The following AGBL4 variants were observed in gnomAD, a reference collection of about 807,000 sequenced individuals.
AGBL4 encodes the protein cytosolic carboxypeptidase 6.
Under a neutral mutation model 66.4 loss-of-function variants are expected in AGBL4, and 58 were observed. The observed-to-expected ratio is 0.87, with a 90% confidence interval of 0.71 to 1.09. The LOEUF (loss-of-function observed/expected upper bound fraction) is 1.09. AGBL4 is among the 50% of genes least tolerant of loss of function. AGBL4 has a pLI of 0.00. For synonymous variants in AGBL4, 234 were observed against 222.9 expected (o/e 1.05, Z -0.44); for missense variants, 579 against 631.0 (o/e 0.92, Z 0.88).
At chr1:49,418,978 G>C (rs1645485683) in intron 3 of AGBL4, among the ~76,000 whole-genome samples, 1 of 152,122 alleles carries the variant, frequency 6.6e-6, no homozygotes, top group Non-Finnish European at 1.5e-5. Flanking sequence ...GGAAATATAA[G>C]TTAGAAGACT....
intron 4 of AGBL4, among the ~76,000 whole-genome samples, chr1:49,158,278 T>C (rs1473003607): frequency 6.6e-6 from 1 of 152,110 alleles, no homozygotes; most frequent in Non-Finnish European, 1.5e-5. Context: ...GGCAAAGACT[T>C]CATGACAAAA....
At chr1:48,858,434 CA>C (rs1159395855) in intron 6 of AGBL4, among the ~76,000 whole-genome samples, 8 of 151,970 alleles carry the variant, frequency 5.3e-5, no homozygotes, top group Non-Finnish European at 8.8e-5. Flanking sequence ...CCCAAATGTC[CA>C]ATAACAGATG....
intron 8 of AGBL4, among the ~76,000 whole-genome samples, chr1:48,644,773 G>C (rs1645808926): frequency 6.6e-6 from 1 of 152,202 alleles, no homozygotes; most frequent in Admixed American, 6.5e-5. Context: ...CTGAATACCA[G>C]GCTAAAGAGC....
rs953630814 is a variant in AGBL4 at position 49,223,291 on chromosome 1, G to A, written c.377+22479C>T. Among the ~76,000 whole-genome samples the A allele has an allele frequency of 3.9e-5, 6 of 152,092 alleles. No individual in the cohort carries two copies. The East Asian group carries it at 1.2e-3, about 29-fold the overall frequency. ...CAGGAGAGTATCACAGAAGGGGAGA[G>A]GAAGCAGGACTTGGTGGTATAATGG... On this transcript the variant is annotated intron_variant, in intron 4 of 13. Transcript: ENST00000371839.
At chr1:48,745,927 A>C (rs768903165) in intron 6 of AGBL4, among the ~76,000 whole-genome samples, 1 of 152,080 alleles carries the variant, frequency 6.6e-6, no homozygotes, top group Non-Finnish European at 1.5e-5. Flanking sequence ...CCCCTACTAA[A>C]GGAGGAGGGA....
In AGBL4 at chr1:49,767,490, C is replaced by A. The variant is rs573424328; in HGVS notation, c.158-70053G>T. ...AGAGGAATATTTATAGCAATAAACA[C>A]CTACATCAAGAAGTTAGATAAGTCA... On this transcript the variant is annotated intron_variant, in intron 2 of 13. Coordinates refer to ENST00000371839, the MANE Select transcript of AGBL4 (RefSeq NM_032785.4). Among the ~76,000 whole-genome samples the A allele has an allele frequency of 8.5e-5, 13 of 152,068 alleles. No individual in the cohort carries two copies. The South Asian group carries it at 1.9e-3, about 22-fold the overall frequency.
At chr1:49,541,667 T>C (rs1429354530) in intron 3 of AGBL4, among the ~76,000 whole-genome samples, 2 of 152,146 alleles carry the variant, frequency 1.3e-5, no homozygotes, top group Non-Finnish European at 2.9e-5. Context: ...CGCTGCCCCC[T>C]GCTCCACAGC....
chr1:48,729,786 G>T (rs1316007276), intron 6 of AGBL4, among the ~76,000 whole-genome samples: 1 of 151,766 alleles, frequency 6.6e-6, no homozygotes, highest in Non-Finnish European at 1.5e-5. Context: ...GAAGGGTTTT[G>T]CAAAGAGAAG....
At chr1:49,564,985 G>A (rs1209164087) in intron 3 of AGBL4, among the ~76,000 whole-genome samples, 2 of 152,162 alleles carry the variant, frequency 1.3e-5, no homozygotes, top group Non-Finnish European at 2.9e-5. Context: ...ATGAATCTGG[G>A]TGCTCCTGTA....
intron 6 of AGBL4, among the ~76,000 whole-genome samples, chr1:48,765,122 T>C (rs547689654): frequency 6.1e-4 from 93 of 152,354 alleles, no homozygotes; most frequent in African/African-American, 2.2e-3. Flanking sequence ...CTACACATCC[T>C]ACCTACCTTC....
chr1:48,758,955 C>T (rs1644102052), intron 6 of AGBL4: 2 of 1,599,494 alleles, frequency 1.3e-6, no homozygotes, highest in South Asian at 2.2e-5. Context: ...GGTCACGGAG[C>T]TCCTTCATTT....
intron 5 of AGBL4, among the ~76,000 whole-genome samples, chr1:48,924,301 TAAATAAATA>T (rs1654340068): frequency 6.6e-6 from 1 of 151,382 alleles, no homozygotes. Context: ...AATAAATAAA[TAAATAAATA>T]AATAAATAGG....
intron 3 of AGBL4, among the ~76,000 whole-genome samples, chr1:49,664,237 T>C (rs1445305456): frequency 2.6e-5 from 4 of 152,048 alleles, no homozygotes; most frequent in Non-Finnish European, 1.5e-5. Flanking sequence ...ATATTTCTCC[T>C]CTTTAAGATG....
intron 3 of AGBL4, among the ~76,000 whole-genome samples, chr1:49,573,387 G>A (rs553468736): frequency 6.6e-6 from 1 of 152,202 alleles, no homozygotes; most frequent in South Asian, 2.1e-4. Context: ...GATAGTCCTT[G>A]ACATGAACTG....
intron 6 of AGBL4, among the ~76,000 whole-genome samples, chr1:48,785,011 A>C (rs1215580767): frequency 6.6e-6 from 1 of 152,334 alleles, no homozygotes; most frequent in South Asian, 2.1e-4. Context: ...GGGGCCAACT[A>C]GTTTGAGAAG....
At chr1:48,568,348 C>A (rs1336074693) in intron 11 of AGBL4, among the ~76,000 whole-genome samples, 1 of 152,054 alleles carries the variant, frequency 6.6e-6, no homozygotes, top group African/African-American at 2.4e-5. Context: ...TTTGACTGAT[C>A]TAGAATCAAT....
chr1:49,975,843 T>C (rs561937651), intron 1 of AGBL4, among the ~76,000 whole-genome samples: 3 of 152,318 alleles, frequency 2.0e-5, no homozygotes, highest in East Asian at 3.9e-4. Context: ...GTTATTATTA[T>C]TACTACTACT....
chr1:48,982,451 T>C (rs1659853343), intron 5 of AGBL4, among the ~76,000 whole-genome samples: 2 of 151,916 alleles, frequency 1.3e-5, no homozygotes, highest in African/African-American at 4.8e-5. Flanking sequence ...AGGTGTTTGG[T>C]TTTTTTGTCC....
chr1:50,007,887 T>A (rs1439942601), intron 1 of AGBL4, among the ~76,000 whole-genome samples: 1 of 151,984 alleles, frequency 6.6e-6, no homozygotes, highest in African/African-American at 2.4e-5. Context: ...GGTATATTTG[T>A]ATCACACAAA....
Sources: gnomAD v4.1 joint callset for allele counts (sites outside exome capture counted in the v4.1 genomes callset) on GRCh38, gnomAD v4.1.1 for gene constraint, MANE v1.5 for transcripts, NCBI Gene and HGNC (gene_info 2026-07-23, HGNC 2026-07-21) for gene names.